The following CACNB2 variants were observed in gnomAD, a reference collection of about 807,000 sequenced individuals.
The protein encoded by CACNB2 is voltage-dependent L-type calcium channel subunit beta-2.
Under a neutral mutation model 73.3 loss-of-function variants are expected in CACNB2, and 42 were observed. That is an observed-to-expected ratio of 0.57 (90% CI 0.45 to 0.74). The LOEUF is 0.74. Ranked by LOEUF, CACNB2 falls within the 30% of genes least tolerant of loss-of-function variation. The pLI, the probability that CACNB2 is intolerant of heterozygous loss-of-function variation, is 0.00. For synonymous variants in CACNB2, 348 were observed against 310.3 expected (o/e 1.12, Z -1.28); for missense variants, 940 against 853.0 (o/e 1.10, Z -1.27).
intron 2 of CACNB2, among the ~76,000 whole-genome samples, chr10:18,249,973 C>T (rs1318498574): frequency 2.0e-5 from 3 of 152,144 alleles, no homozygotes; most frequent in African/African-American, 7.2e-5. Context: ...GCCCCATCTC[C>T]CCCCTTCCAG....
chr10:18,312,782 T>G (rs1356691095), intron 2 of CACNB2, among the ~76,000 whole-genome samples: 1 of 152,232 alleles, frequency 6.6e-6, no homozygotes, highest in Non-Finnish European at 1.5e-5. Flanking sequence ...GCCTGTATTT[T>G]TTAACACTTA....
intron 2 of CACNB2, among the ~76,000 whole-genome samples, chr10:18,357,741 G>A (rs2041980691): frequency 6.6e-6 from 1 of 152,156 alleles, no homozygotes; most frequent in Non-Finnish European, 1.5e-5. Flanking sequence ...GTGAGAGGAG[G>A]TGCACATCCA....
chr10:18,258,312 C>T (rs191447122), intron 2 of CACNB2, among the ~76,000 whole-genome samples: 1 of 152,260 alleles, frequency 6.6e-6, no homozygotes, highest in East Asian at 1.9e-4. Flanking sequence ...AATTCAGAAT[C>T]ATAGAGGGGA....
intron 2 of CACNB2, among the ~76,000 whole-genome samples, chr10:18,362,314 G>A (rs1330809580): frequency 6.6e-6 from 1 of 152,108 alleles, no homozygotes; most frequent in Non-Finnish European, 1.5e-5. Flanking sequence ...TTTTGTTTCA[G>A]TTATAGCTAT....
At chr10:18,208,008 G>A (rs1237482715) in intron 2 of CACNB2, among the ~76,000 whole-genome samples, 1 of 152,122 alleles carries the variant, frequency 6.6e-6, no homozygotes, top group Non-Finnish European at 1.5e-5. Flanking sequence ...AAAATCTCAA[G>A]TTTCTATTTA....
intron 3 of CACNB2, among the ~76,000 whole-genome samples, chr10:18,497,779 C>A (rs1229007378): frequency 2.0e-5 from 3 of 152,118 alleles, no homozygotes; most frequent in East Asian, 1.9e-4. Context: ...TAATTAATAT[C>A]TTTAGTAGCT....
chr10:18,366,339 C>A (rs113902423), intron 2 of CACNB2, among the ~76,000 whole-genome samples: 26 of 151,740 alleles, frequency 1.7e-4, no homozygotes, highest in Non-Finnish European at 3.5e-4. Context: ...GTGGCGGGCA[C>A]CTGTAATCCT....
intron 2 of CACNB2, among the ~76,000 whole-genome samples, chr10:18,253,434 G>A (rs1235317975): frequency 6.6e-6 from 1 of 152,104 alleles, no homozygotes; most frequent in Non-Finnish European, 1.5e-5. Context: ...GAAATGGTAT[G>A]TTTCTCTTTC....
At chr10:18,456,557 G>A (rs1031924743) in intron 3 of CACNB2, among the ~76,000 whole-genome samples, 8 of 152,144 alleles carry the variant, frequency 5.3e-5, no homozygotes, top group African/African-American at 1.4e-4. Context: ...CCACCCTTAT[G>A]AGCCAATCAC....
intron 3 of CACNB2, among the ~76,000 whole-genome samples, chr10:18,454,066 G>A (rs2047147497): frequency 6.6e-6 from 1 of 152,172 alleles, no homozygotes; most frequent in East Asian, 1.9e-4. Flanking sequence ...TATAAATAAT[G>A]AATGAATGAA....
intron 2 of CACNB2, among the ~76,000 whole-genome samples, chr10:18,157,331 C>G (rs1279896197): frequency 6.6e-6 from 1 of 152,166 alleles, no homozygotes; most frequent in Non-Finnish European, 1.5e-5. Flanking sequence ...ATTAGTTGGC[C>G]TTTGGACAAG....
At chr10:18,529,611 A>G (rs924153520) in intron 10 of CACNB2, among the ~76,000 whole-genome samples, 1 of 152,210 alleles carries the variant, frequency 6.6e-6, no homozygotes, top group African/African-American at 2.4e-5. Context: ...GAGACAGTGA[A>G]AGCCACAACA....
chr10:18,332,542 A>G (rs745308325), intron 2 of CACNB2, among the ~76,000 whole-genome samples: 1 of 152,252 alleles, frequency 6.6e-6, no homozygotes, highest in Non-Finnish European at 1.5e-5. Flanking sequence ...AGAGTATTCC[A>G]GGACTACAGA....
chr10:18,418,393 C>A (rs1238628970), intron 3 of CACNB2, among the ~76,000 whole-genome samples: 1 of 152,142 alleles, frequency 6.6e-6, no homozygotes, highest in East Asian at 1.9e-4. Context: ...TTCTGATTTC[C>A]TACTAAAAAT....
intron 3 of CACNB2, among the ~76,000 whole-genome samples, chr10:18,488,861 T>C (rs2049232869): frequency 6.6e-6 from 1 of 151,066 alleles, no homozygotes; most frequent in African/African-American, 2.4e-5. Flanking sequence ...CTAACGCTTA[T>C]GGCCTGGGAG....
At position 18,538,394 on chromosome 10, in the gene CACNB2, T is replaced by C. The variant is rs766706422; in HGVS notation, c.1488+29T>C. On this transcript the variant is annotated intron_variant, in intron 13 of 13. Coordinates refer to ENST00000324631, the MANE Select transcript of CACNB2 (RefSeq NM_201596.3). The stretch of plus-strand genomic sequence containing the variant: ...AGGGGAGTTTTTATATATATCTATA[T>C]ATACAATCTTCATAGAAAAAAGGTT... The C allele has an allele frequency of 1.5e-5, 24 of 1,599,440 alleles. No individual in the cohort carries two copies. In the South Asian group the frequency reaches 2.1e-4, roughly 14 times the overall value.
intron 2 of CACNB2, among the ~76,000 whole-genome samples, chr10:18,227,950 G>A (rs1306368433): frequency 6.6e-6 from 1 of 150,946 alleles, no homozygotes; most frequent in Admixed American, 6.7e-5. Context: ...TTGAGAGAGT[G>A]AGAAGATGCT....
intron 2 of CACNB2, among the ~76,000 whole-genome samples, chr10:18,215,524 C>T (rs921992336): frequency 6.6e-6 from 1 of 152,150 alleles, no homozygotes; most frequent in South Asian, 2.1e-4. Context: ...TTGTTTCTAA[C>T]ACACTTTGAC....
At chr10:18,495,872 G>A (rs1173542928) in intron 3 of CACNB2, among the ~76,000 whole-genome samples, 1 of 151,930 alleles carries the variant, frequency 6.6e-6, no homozygotes, top group Non-Finnish European at 1.5e-5. Context: ...TTGTGTTTCA[G>A]TTGTACAGGT....
Sources: gnomAD v4.1 joint callset for allele counts (sites outside exome capture counted in the v4.1 genomes callset) on GRCh38, gnomAD v4.1.1 for gene constraint, MANE v1.5 for transcripts, NCBI Gene and HGNC (gene_info 2026-07-23, HGNC 2026-07-21) for gene names.